ZMYM2: variants seen among roughly 807,000 people sequenced by gnomAD.
The protein encoded by ZMYM2 is zinc finger MYM-type protein 2.
ZMYM2 carries 56 observed loss-of-function variants against 162.8 expected under a neutral mutation model. The ratio of observed to expected loss-of-function variants is 0.34; its 90% CI spans 0.28 to 0.43. The LOEUF is 0.43. Among genes scored for constraint, ZMYM2 ranks in the 20% least tolerant of loss-of-function variants. The pLI is 1.00. For synonymous variants in ZMYM2, 510 were observed against 541.6 expected (o/e 0.94, Z 0.81); for missense variants, 1,275 against 1,621.8 (o/e 0.79, Z 3.67).
chr13:20,029,693 A>G (rs1952904295), intron 9 of ZMYM2, among the ~76,000 whole-genome samples: 1 of 152,202 alleles, frequency 6.6e-6, no homozygotes, highest in African/African-American at 2.4e-5. Flanking sequence ...TATGAGTAAT[A>G]TGGTTTAAAA....
chr13:19,867,091 G>A, the ZMYM2 span, among the ~76,000 whole-genome samples: 48 of 152,232 alleles, frequency 3.2e-4, no homozygotes, highest in African/African-American at 1.1e-3. Context: ...GGTGGCTCAC[G>A]CCTGTAATCC....
At chr13:19,904,872 T>G in the ZMYM2 span, among the ~76,000 whole-genome samples, 2 of 152,212 alleles carry the variant, frequency 1.3e-5, no homozygotes, top group Non-Finnish European at 2.9e-5. Flanking sequence ...ATTTAATTCC[T>G]TTTTAAGCAG....
At chr13:19,994,340 A>G (rs555744916) in intron 3 of ZMYM2, among the ~76,000 whole-genome samples, 5 of 152,314 alleles carry the variant, frequency 3.3e-5, no homozygotes, top group Admixed American at 2.6e-4. Context: ...AAACAAACAA[A>G]AGAATGAAGT....
chr13:19,929,870 G>A, the ZMYM2 span, among the ~76,000 whole-genome samples: 52 of 152,234 alleles, frequency 3.4e-4, 1 homozygote, highest in Middle Eastern at 0.014. Context: ...AATATTTTAT[G>A]TATTTCAATT....
intron 2 of ZMYM2, among the ~76,000 whole-genome samples, chr13:19,962,516 T>TATATATATATATATA (rs1491235309): frequency 1.7e-4 from 5 of 29,814 alleles, no homozygotes; most frequent in African/African-American, 4.6e-4. Flanking sequence ...TATATATATA[T>TATATATATATATATA]TTTTTTTTTT....
At chr13:20,040,272 G>A (rs1336651708) in intron 12 of ZMYM2, among the ~76,000 whole-genome samples, 1 of 152,130 alleles carries the variant, frequency 6.6e-6, no homozygotes, top group African/African-American at 2.4e-5. Flanking sequence ...GGAGCTCATT[G>A]TTGGTTTGTT....
At chr13:19,930,866 G>A in the ZMYM2 span, among the ~76,000 whole-genome samples, 1 of 151,350 alleles carries the variant, frequency 6.6e-6, no homozygotes. Context: ...AAGGCCGGGC[G>A]CGGTGGCTCA....
At chr13:20,073,391 T>G (rs536240514) in intron 21 of ZMYM2, among the ~76,000 whole-genome samples, 1 of 152,192 alleles carries the variant, frequency 6.6e-6, no homozygotes, top group Non-Finnish European at 1.5e-5. Context: ...CCTTAGCTCA[T>G]AGGTTTGTGG....
At chr13:20,029,763 A>T (rs190440486) in intron 9 of ZMYM2, among the ~76,000 whole-genome samples, 1 of 152,136 alleles carries the variant, frequency 6.6e-6, no homozygotes, top group African/African-American at 2.4e-5. Flanking sequence ...AAAATCTGTC[A>T]GTGTCCATGT....
intron 2 of ZMYM2, among the ~76,000 whole-genome samples, chr13:19,966,487 T>A (rs1955798704): frequency 1.3e-5 from 2 of 150,714 alleles, no homozygotes; most frequent in Admixed American, 6.7e-5. Flanking sequence ...AGAGTTTTGC[T>A]CTTGTTGCCT....
chr13:19,994,768 C>T (rs1440567050), intron 3 of ZMYM2, among the ~76,000 whole-genome samples: 4 of 151,980 alleles, frequency 2.6e-5, no homozygotes, highest in African/African-American at 7.2e-5. Flanking sequence ...GGATTACAGG[C>T]GTGAGTCACT....
chr13:20,081,901 A>G (rs1442323738), intron 21 of ZMYM2, 115 bp from the exon 22 acceptor site: 2 of 580,556 alleles, frequency 3.4e-6, no homozygotes, highest in Non-Finnish European at 5.7e-6. Context: ...TTTAGTATGC[A>G]TTTCAAAGAC....
chr13:19,890,882 A>AG, the ZMYM2 span, among the ~76,000 whole-genome samples: 1 of 151,806 alleles, frequency 6.6e-6, no homozygotes, highest in Non-Finnish European at 1.5e-5. Flanking sequence ...AAAAAAAAAA[A>AG]AAAATTCAGC....
chr13:20,028,868 G>A (rs1389292105), intron 9 of ZMYM2, among the ~76,000 whole-genome samples: 2 of 150,398 alleles, frequency 1.3e-5, no homozygotes, highest in Non-Finnish European at 2.9e-5. Context: ...ATGTAGGACC[G>A]ACTGTACTTA....
chr13:19,971,591 T>C (rs918206702), intron 2 of ZMYM2, among the ~76,000 whole-genome samples: 7 of 151,932 alleles, frequency 4.6e-5, no homozygotes, highest in Non-Finnish European at 8.8e-5. Context: ...AAGAAGTTCT[T>C]TAGATATTCT....
chr13:19,867,968 A>C, the ZMYM2 span, among the ~76,000 whole-genome samples: 1 of 152,212 alleles, frequency 6.6e-6, no homozygotes, highest in South Asian at 2.1e-4. Context: ...GCTTGCTGCA[A>C]CTTTAGGATT....
chr13:19,994,489 T>A (rs1949869740), intron 3 of ZMYM2, among the ~76,000 whole-genome samples: 1 of 152,154 alleles, frequency 6.6e-6, no homozygotes, highest in South Asian at 2.1e-4. Flanking sequence ...GTACAGTAGT[T>A]GCATTTAGAT....
chr13:20,030,964 TGTTTTTTTA>T (rs906699372), intron 9 of ZMYM2, among the ~76,000 whole-genome samples: 2 of 152,222 alleles, frequency 1.3e-5, no homozygotes, highest in Admixed American at 1.3e-4. Flanking sequence ...TTGTTCTTTT[TGTTTTTTTA>T]AACTTCTGTT....
intron 10 of ZMYM2, among the ~76,000 whole-genome samples, chr13:20,032,599 CTTTTTTTT>C (rs57294389): frequency 1.7e-3 from 112 of 66,036 alleles, no homozygotes; most frequent in African/African-American, 7.2e-3. Context: ...TTTTTTCTGT[CTTTTTTTT>C]TTTTTTTTTT....
Sources: gnomAD v4.1 joint callset for allele counts (sites outside exome capture counted in the v4.1 genomes callset) on GRCh38, gnomAD v4.1.1 for gene constraint, MANE v1.5 for transcripts, NCBI Gene and HGNC (gene_info 2026-07-23, HGNC 2026-07-21) for gene names.